SMAD3: variants seen among roughly 807,000 people sequenced by gnomAD.
SMAD3 encodes the protein MAD homolog 3.
In SMAD3, 12 loss-of-function variants were observed where a neutral mutation model predicts 51.8. The ratio of observed to expected loss-of-function variants is 0.23; its 90% CI spans 0.15 to 0.38. The LOEUF (loss-of-function observed/expected upper bound fraction) is 0.38. Among genes scored for constraint, SMAD3 ranks in the 10% least tolerant of loss-of-function variants. The pLI is 1.00. For synonymous variants in SMAD3, 238 were observed against 227.7 expected (o/e 1.05, Z -0.41); for missense variants, 294 against 565.6 (o/e 0.52, Z 4.87).
chr15:67,167,047 G>A (rs995496137), intron 4 of SMAD3, among the ~76,000 whole-genome samples, 194 bp downstream of exon 4: 1 of 152,196 alleles, frequency 6.6e-6, no homozygotes, highest in Middle Eastern at 3.2e-3. Flanking sequence ...GGGGGAGATT[G>A]ACAGGACAGT....
intron 1 of SMAD3, among the ~76,000 whole-genome samples, chr15:67,142,279 C>T (rs1961852268): frequency 6.9e-6 from 1 of 145,388 alleles, no homozygotes; most frequent in African/African-American, 2.6e-5. Context: ...GTACACTTGG[C>T]CAGAAGTAGG....
intron 1 of SMAD3, among the ~76,000 whole-genome samples, chr15:67,074,699 T>C (rs1960130215): frequency 6.6e-6 from 1 of 152,240 alleles, no homozygotes; most frequent in Non-Finnish European, 1.5e-5. Flanking sequence ...CTCTCTTTTT[T>C]TGTTTTTTGA....
intron 1 of SMAD3, among the ~76,000 whole-genome samples, chr15:67,129,281 T>C (rs1961465990): frequency 6.6e-6 from 1 of 152,164 alleles, no homozygotes; most frequent in Non-Finnish European, 1.5e-5. Context: ...TGTTTAGCCT[T>C]CTAGAGCAGT....
chr15:67,178,218 C>T (rs1017493531), intron 5 of SMAD3, among the ~76,000 whole-genome samples: 1 of 152,164 alleles, frequency 6.6e-6, no homozygotes, highest in African/African-American at 2.4e-5. Context: ...TCCTTGAAGC[C>T]CACCCTTCCC....
chr15:67,157,445 A>G, intron 1 of SMAD3, among the ~76,000 whole-genome samples: 1 of 152,158 alleles, frequency 6.6e-6, no homozygotes, highest in East Asian at 1.9e-4. Context: ...TGCCATTTAC[A>G]AGTTATATGA....
At chr15:67,108,678 C>T (rs1225507854) in intron 1 of SMAD3, among the ~76,000 whole-genome samples, 3 of 152,168 alleles carry the variant, frequency 2.0e-5, no homozygotes, top group Non-Finnish European at 2.9e-5. Context: ...GGGTCGGAGG[C>T]CAGGACCCAG....
chr15:67,183,015 ATATATATATATATATATTTTT>A (rs1567000728), intron 6 of SMAD3, among the ~76,000 whole-genome samples: 2 of 72,628 alleles, frequency 2.8e-5, no homozygotes, highest in African/African-American at 1.3e-4. Flanking sequence ...ATATATATAT[ATATATATATATATATATTTTT>A]TTTTTTTTTT....
intron 1 of SMAD3, among the ~76,000 whole-genome samples, chr15:67,115,406 G>C (rs1961112816): frequency 6.6e-6 from 1 of 152,186 alleles, no homozygotes; most frequent in Admixed American, 6.5e-5. Context: ...TGATGGAAAT[G>C]TGATGCCAAG....
At chr15:67,118,506 AT>A (rs1031765067) in intron 1 of SMAD3, among the ~76,000 whole-genome samples, 3 of 152,208 alleles carry the variant, frequency 2.0e-5, no homozygotes, top group Non-Finnish European at 2.9e-5. Context: ...AAGGTGTGTC[AT>A]TTTTATACCA....
At chr15:67,111,260 G>A (rs1961007178) in intron 1 of SMAD3, among the ~76,000 whole-genome samples, 1 of 152,132 alleles carries the variant, frequency 6.6e-6, no homozygotes, top group Admixed American at 6.5e-5. Flanking sequence ...GGACTTTTGT[G>A]TTTGACTTCT....
chr15:67,152,810 C>T (rs1393782585), intron 1 of SMAD3, among the ~76,000 whole-genome samples: 1 of 152,170 alleles, frequency 6.6e-6, no homozygotes, highest in Non-Finnish European at 1.5e-5. Flanking sequence ...AAGCAATCCC[C>T]ATCAACTTGG....
At position 67,065,955 on chromosome 15, in the gene SMAD3, C is replaced by T. The variant is rs1959902774; in HGVS notation, c.-200C>T. On this transcript the variant is annotated 5_prime_UTR_variant, in exon 1 of 9. Coordinates refer to ENST00000327367, the MANE Select transcript of SMAD3 (RefSeq NM_005902.4). ...CTTCTCTTCGCCGTGGGAGCCGCTC[C>T]GGGCGCAGGGCCGCGCGCCGAGCCC... The T allele has an allele frequency of 9.5e-6, 2 of 210,912 alleles. No homozygotes were observed. Among genetic ancestry groups the T allele is most frequent in the Non-Finnish European group, 1.9e-5 (2 of 105,802 alleles). 13.1% of individuals were successfully genotyped at this position (210,912 alleles called of 1,614,324 possible).
At chr15:67,135,579 G>A (rs898756010) in intron 1 of SMAD3, among the ~76,000 whole-genome samples, 2 of 151,424 alleles carry the variant, frequency 1.3e-5, no homozygotes, top group Admixed American at 6.6e-5. Context: ...TTTCTTCCCT[G>A]TAATAACAAA....
intron 6 of SMAD3, 75 bp from the exon 7 acceptor site, chr15:67,184,652 G>A: frequency 1.3e-6 from 2 of 1,577,752 alleles, no homozygotes; most frequent in Non-Finnish European, 1.7e-6. Flanking sequence ...TGCCTCCTTT[G>A]CGAGCCTCAG....
At chr15:67,142,118 C>T (rs952961151) in intron 1 of SMAD3, among the ~76,000 whole-genome samples, 5 of 152,006 alleles carry the variant, frequency 3.3e-5, no homozygotes, top group Non-Finnish European at 5.9e-5. Flanking sequence ...TGTCATCCCC[C>T]GCTCTTTTAC....
At chr15:67,141,291 C>T (rs1961813544) in intron 1 of SMAD3, among the ~76,000 whole-genome samples, 2 of 152,184 alleles carry the variant, frequency 1.3e-5, no homozygotes, top group African/African-American at 2.4e-5. Context: ...TGCCATGTTT[C>T]CTAGTCTACA....
intron 1 of SMAD3, among the ~76,000 whole-genome samples, chr15:67,132,645 C>T (rs1410876077): frequency 1.3e-5 from 2 of 152,160 alleles, no homozygotes; most frequent in Non-Finnish European, 2.9e-5. Flanking sequence ...CCTGTGAGCC[C>T]CCATTTTCCT....
chr15:67,123,643 A>G (rs1006084885), intron 1 of SMAD3, among the ~76,000 whole-genome samples: 1 of 152,266 alleles, frequency 6.6e-6, no homozygotes, highest in African/African-American at 2.4e-5. Flanking sequence ...TATAGAATCC[A>G]GTACATAGGA....
intron 1 of SMAD3, among the ~76,000 whole-genome samples, chr15:67,066,800 C>T (rs1959932511): frequency 6.6e-6 from 1 of 152,224 alleles, no homozygotes; most frequent in African/African-American, 2.4e-5. Flanking sequence ...CGTTTCTTTT[C>T]TTCAGTCGGG....
Sources: gnomAD v4.1 joint callset for allele counts (sites outside exome capture counted in the v4.1 genomes callset) on GRCh38, gnomAD v4.1.1 for gene constraint, MANE v1.5 for transcripts, NCBI Gene and HGNC (gene_info 2026-07-23, HGNC 2026-07-21) for gene names.